The following ATP2B1 variants were observed in gnomAD, a reference collection of about 807,000 sequenced individuals.
ATP2B1 encodes ATPase plasma membrane Ca2+ transporting 1.
In ATP2B1, 14 loss-of-function variants were observed where a neutral mutation model predicts 124.2. The observed-to-expected ratio is 0.11, with a 90% confidence interval of 0.07 to 0.18. ATP2B1 has a LOEUF of 0.18. ATP2B1 is among the 10% of genes least tolerant of loss of function. ATP2B1 has a pLI of 1.00. For synonymous variants in ATP2B1, 449 were observed against 492.4 expected, an observed-to-expected ratio of 0.91 and a Z score of 1.17; for missense variants, 763 against 1,466.1, an observed-to-expected ratio of 0.52 and a Z score of 7.83.
At chr12:89,689,267 A>G (rs1890289939) in intron 1 of ATP2B1, among the ~76,000 whole-genome samples, 1 of 152,116 alleles carries the variant, frequency 6.6e-6, no homozygotes, top group Non-Finnish European at 1.5e-5. Flanking sequence ...TATGTCCTAT[A>G]CAATACTTAG....
intron 20 of ATP2B1, 67 bp from the exon 21 acceptor site, chr12:89,591,362 T>A: frequency 7.1e-7 from 1 of 1,402,864 alleles, no homozygotes. Context: ...GGTTCATTTA[T>A]GAGTTTGAAT....
intron 1 of ATP2B1, among the ~76,000 whole-genome samples, chr12:89,682,452 C>A (rs1488314760): frequency 1.3e-5 from 2 of 152,084 alleles, no homozygotes; most frequent in South Asian, 4.1e-4. Context: ...CTACCAGATA[C>A]TAAAATACAC....
intron 3 of ATP2B1, among the ~76,000 whole-genome samples, chr12:89,636,194 T>C (rs946135379): frequency 4.0e-5 from 6 of 150,344 alleles, no homozygotes; most frequent in South Asian, 4.2e-4. Flanking sequence ...AATGGCAGAA[T>C]AGAGATCAGA....
chr12:89,603,188 T>A lies in ATP2B1; in HGVS notation c.2915A>T (p.Tyr972Phe). The change falls in exon 18 of 21, where the codon TAT (tyrosine) becomes TTT (phenylalanine). Residue 972 changes from tyrosine to phenylalanine, a missense_variant. By Grantham distance (22) the Tyr-to-Phe change is conservative. Around this residue, in one of 7 missense-constraint regions of ATP2B1, gnomAD observed 118 missense variants for 240.3 expected, o/e 0.49. Transcript: ENST00000428670. The surrounding 1 kb of genome is among the most constrained non-coding windows in gnomAD (Gnocchi z 4.3). Reference protein sequence around the residue: ...APLHAPPSEHYTIVFNTFVLM... With the variant: ...APLHAPPSEHFTIVFNTFVLM... Reference sequence around the variant, plus strand: ...CACAAAGGTATTAAAAACAATAGTATAATGTTCTGAAGGAGGAGCATGCAA... The same window carrying A: ...CACAAAGGTATTAAAAACAATAGTAAAATGTTCTGAAGGAGGAGCATGCAA... 1 of 1,613,668 alleles carries A rather than the reference T, an allele frequency of 6.2e-7. No homozygotes were observed. The highest frequency in any genetic ancestry group is 2.2e-5 in the East Asian group (1 of 44,808).
At position 89,602,051 on chromosome 12, in the gene ATP2B1, T is replaced by A. The variant is rs541082405; in HGVS notation, c.3061-618A>T. Among the ~76,000 whole-genome samples the A allele has an allele frequency of 4.6e-5, 7 of 152,320 alleles. No homozygotes were observed. In the East Asian group the frequency reaches 9.6e-4, roughly 21 times the overall value. On this transcript the variant is annotated intron_variant, in intron 18 of 20. Transcript: ENST00000428670. ...GCTCTCCTTTATGAAAAGAGTGAGG[T>A]CTGATGATGAATATAAATTCATAAT... is the stretch of plus-strand genomic sequence containing the variant.
At chr12:89,686,409 G>A (rs1442004578) in intron 1 of ATP2B1, among the ~76,000 whole-genome samples, 1 of 152,036 alleles carries the variant, frequency 6.6e-6, no homozygotes, top group Admixed American at 6.6e-5. Context: ...CCTACTACAA[G>A]AATGCCAGAT....
chr12:89,704,731 TTAATAA>T (rs902973040), intron 1 of ATP2B1, among the ~76,000 whole-genome samples: 1 of 152,144 alleles, frequency 6.6e-6, no homozygotes. Context: ...TGTAAAGTAG[TTAATAA>T]TAATACCTGT....
intron 9 of ATP2B1, 70 bp downstream of exon 9, chr12:89,624,113 T>C (rs1880449731): frequency 3.7e-6 from 5 of 1,363,778 alleles, no homozygotes; most frequent in Non-Finnish European, 4.1e-6. Context: ...AAGGAGTAAC[T>C]AGATGGGCAT....
intron 3 of ATP2B1, 67 bp downstream of exon 3, chr12:89,642,091 T>G: frequency 7.0e-7 from 1 of 1,437,868 alleles, no homozygotes; most frequent in Non-Finnish European, 9.7e-7. Flanking sequence ...CTATTATTAT[T>G]GTGCATTAAC....
chr12:89,682,981 G>A (rs1889539603), intron 1 of ATP2B1, among the ~76,000 whole-genome samples: 1 of 151,892 alleles, frequency 6.6e-6, no homozygotes, highest in Non-Finnish European at 1.5e-5. Context: ...TTTAAGTTGA[G>A]GGAAAAAAGA....
intron 8 of ATP2B1, among the ~76,000 whole-genome samples, chr12:89,624,643 TA>T (rs1246833504): frequency 1.3e-5 from 2 of 152,186 alleles, no homozygotes; most frequent in African/African-American, 2.4e-5. Flanking sequence ...TAGACTTAAT[TA>T]TATCTTTGGC....
intron 1 of ATP2B1, among the ~76,000 whole-genome samples, chr12:89,708,378 C>A (rs1202263999): frequency 1.3e-5 from 2 of 152,174 alleles, no homozygotes; most frequent in African/African-American, 4.8e-5. Context: ...AGGTGCACGG[C>A]GAGAAGCCCG....
chr12:89,677,228 A>C (rs1375036379), intron 1 of ATP2B1, among the ~76,000 whole-genome samples: 2 of 152,124 alleles, frequency 1.3e-5, no homozygotes, highest in Non-Finnish European at 2.9e-5. Context: ...TTTTACATGG[A>C]TCTAGGGCCC....
In ATP2B1 at chr12:89,638,421, A is replaced by C. The variant is rs188322958; in HGVS notation, c.407-3170T>G. Among the ~76,000 whole-genome samples the C allele has an allele frequency of 2.0e-5, 3 of 152,294 alleles. 1 individual carries two copies. In the East Asian group the frequency reaches 5.8e-4, roughly 29 times the overall value. On this transcript the variant is annotated intron_variant, in intron 3 of 20. Coordinates refer to ENST00000428670, the MANE Select transcript of ATP2B1 (RefSeq NM_001366521.1). ...AGTGCTGTCGTGAAACCTGAGAGGG[A>C]TTCCTATTTTCATAATTTGAAGACA...
intron 1 of ATP2B1, among the ~76,000 whole-genome samples, chr12:89,689,734 A>G (rs984422606): frequency 2.0e-5 from 3 of 152,156 alleles, no homozygotes; most frequent in Non-Finnish European, 4.4e-5. Context: ...ATTAGAAACT[A>G]GTAAGGGAGA....
At chr12:89,663,745 T>C (rs1397180962) in intron 1 of ATP2B1, among the ~76,000 whole-genome samples, 3 of 152,236 alleles carry the variant, frequency 2.0e-5, no homozygotes, top group African/African-American at 4.8e-5. Context: ...TGGACACATT[T>C]AGCCCTAATC....
At chr12:89,612,392 A>G (rs2136013114) in intron 12 of ATP2B1, among the ~76,000 whole-genome samples, 1 of 152,214 alleles carries the variant, frequency 6.6e-6, no homozygotes, top group East Asian at 1.9e-4. Context: ...TAAAATGCCT[A>G]AAGGATCACG....
chr12:89,623,795 C>T (rs1880385094), intron 9 of ATP2B1, among the ~76,000 whole-genome samples: 1 of 152,164 alleles, frequency 6.6e-6, no homozygotes, highest in African/African-American at 2.4e-5. Context: ...AGGTTTTACA[C>T]ATGGAAATCA....
chr12:89,707,878 T>C (rs755146449), intron 1 of ATP2B1, among the ~76,000 whole-genome samples: 3 of 152,210 alleles, frequency 2.0e-5, no homozygotes, highest in African/African-American at 4.8e-5. Context: ...CCCCTGCCAC[T>C]GGAACGCGGT....
Sources: allele counts gnomAD v4.1 joint callset (sites outside exome capture counted in the v4.1 genomes callset), GRCh38; gene constraint gnomAD v4.1.1; regional missense constraint gnomAD v4.1.1; non-coding constraint Gnocchi (gnomAD v3.1); transcripts MANE v1.5; gene names NCBI Gene and HGNC (gene_info 2026-07-23, HGNC 2026-07-21).